The following SNPH variants were observed in gnomAD, a reference collection of about 807,000 sequenced individuals.
SNPH encodes the protein syntaphilin.
Under a neutral mutation model 36.8 loss-of-function variants are expected in SNPH, and 10 were observed. The observed-to-expected ratio is 0.27, with a 90% CI of 0.17 to 0.46. The LOEUF (loss-of-function observed/expected upper bound fraction) is 0.46, where lower values mean the gene tolerates loss of function less well. SNPH is among the 20% of genes least tolerant of loss of function. The probability of loss-of-function intolerance (pLI) is 1.00; values close to 1 mark genes in which losing one functional copy is unlikely to be tolerated. For synonymous variants in SNPH, 281 were observed against 312.2 expected, an observed-to-expected ratio of 0.90 and a Z score of 1.05; for missense variants, 622 against 744.0, an observed-to-expected ratio of 0.84 and a Z score of 1.91.
chr20:1,270,869 G>A (rs1321420981), intron 2 of SNPH, among the ~76,000 whole-genome samples: 1 of 152,138 alleles, frequency 6.6e-6, no homozygotes, highest in African/African-American at 2.4e-5. Flanking sequence ...TGGCCTAACG[G>A]GGATTGCATT....
rs1306085405 is a variant in SNPH, at chr20:1,294,131, AC to A, written c.-492-818del. Among the ~76,000 whole-genome samples the A allele has an allele frequency of 2.0e-5, 3 of 152,170 alleles. No individual in the cohort carries two copies. Among genetic ancestry groups the A allele is most frequent in the African/African-American group, 7.2e-5 (3 of 41,444 alleles). ...GAAAGTTGTTGGTGAAGCCAGGCCG[AC>A]CTGGGCCAGAAGCCAGAGCATGTCA... On this transcript the variant is annotated intron_variant, in intron 2 of 6. Coordinates refer to ENST00000381867, the MANE Select transcript of SNPH (RefSeq NM_001318234.2). The surrounding 1 kb of genome is among the most constrained non-coding windows in gnomAD (Gnocchi z 4.4).
intron 2 of SNPH, among the ~76,000 whole-genome samples, chr20:1,281,971 T>TGGAG (rs2088230403): frequency 6.6e-6 from 1 of 151,802 alleles, no homozygotes; most frequent in Admixed American, 6.6e-5. Context: ...GGGTGGAGGG[T>TGGAG]GGAGGGTGGG....
intron 2 of SNPH, among the ~76,000 whole-genome samples, chr20:1,282,715 C>A (rs200198218): frequency 0.18 from 27,338 of 151,988 alleles, 3,055 homozygotes; most frequent in East Asian, 0.5. Context: ...TGTCTCTGGG[C>A]CTTGGTTTAT....
At chr20:1,281,746 C>T (rs1433381349) in intron 2 of SNPH, among the ~76,000 whole-genome samples, 10 of 152,250 alleles carry the variant, frequency 6.6e-5, no homozygotes, top group African/African-American at 1.4e-4. Flanking sequence ...CTCAGTGACA[C>T]GTGCTTCGAT....
At chr20:1,293,311 G>A (rs2122374996) in intron 2 of SNPH, among the ~76,000 whole-genome samples, 1 of 152,350 alleles carries the variant, frequency 6.6e-6, no homozygotes, top group Non-Finnish European at 1.5e-5. Flanking sequence ...CTATGGTGTG[G>A]ACAAGATGGG....
chr20:1,305,378 G>A lies in SNPH; in HGVS notation c.941G>A (p.Cys314Tyr). Residue 314 changes from cysteine (C) to tyrosine (Y), a missense_variant, in exon 7 of 7, where the codon TGT (cysteine) becomes TAT (tyrosine). Around this residue, in one of 3 missense-constraint regions of SNPH, gnomAD observed 379 missense variants for 427.9 expected, o/e 0.89. Coordinates refer to ENST00000381867, the MANE Select transcript of SNPH (RefSeq NM_001318234.2). ...AGCCTGCTGTCGTCGGGGGTGGACT[G>A]TGGCACCGAGGAGACCTCGCTGCAC... ...ASSLLSSGVD[C>Y]GTEETSLHSS... The A allele has an allele frequency of 1.2e-6, 2 of 1,612,762 alleles. No homozygotes were observed. Among genetic ancestry groups the A allele is most frequent in the East Asian group, 2.2e-5 (1 of 44,884 alleles).
chr20:1,283,174 C>T (rs1217638606), intron 2 of SNPH, among the ~76,000 whole-genome samples: 1 of 152,226 alleles, frequency 6.6e-6, no homozygotes, highest in East Asian at 1.9e-4. Context: ...GCCCAAGTAG[C>T]CCATTCTTCT....
intron 2 of SNPH, among the ~76,000 whole-genome samples, chr20:1,286,564 G>A (rs2088286676): frequency 6.6e-6 from 1 of 152,212 alleles, no homozygotes; most frequent in Non-Finnish European, 1.5e-5. Context: ...GCTTCCAACA[G>A]GAGCGGCATG....
Position 1,296,081 on chromosome 20 carries a change from G to C in SNPH, c.-159G>C. Reference sequence around the variant, plus strand: ...ACATTCACTCATCTGGAGAACACAGGGTTGGACTGATTACTTTTAGCCACT... The same window carrying C: ...ACATTCACTCATCTGGAGAACACAGCGTTGGACTGATTACTTTTAGCCACT... On this transcript the variant is annotated 5_prime_UTR_variant, in exon 4 of 7. Coordinates refer to ENST00000381867, the MANE Select transcript of SNPH (RefSeq NM_001318234.2). 1 of 590,570 alleles carries C rather than the reference G, an allele frequency of 1.7e-6. No individual in the cohort carries two copies. Among genetic ancestry groups the C allele is most frequent in the Non-Finnish European group, 2.9e-6 (1 of 350,180 alleles). 36.6% of individuals were successfully genotyped at this position (590,570 alleles called of 1,614,324 possible). A position where few individuals can be genotyped will look rare whatever the true frequency, so the allele number is the denominator to read the frequency against.
intron 2 of SNPH, among the ~76,000 whole-genome samples, chr20:1,275,148 C>T (rs531931303): frequency 1.6e-4 from 25 of 152,318 alleles, no homozygotes; most frequent in African/African-American, 5.1e-4. Flanking sequence ...GGGAGCCACT[C>T]GCTTCCTCAG....
At position 1,304,832 on chromosome 20, in the gene SNPH, CCAGG is replaced by C. The variant is rs746226956; in HGVS notation, c.441-34_441-31del. 15 of 1,567,434 alleles carry C rather than the reference CCAGG, an allele frequency of 9.6e-6. No individual in the cohort carries two copies. The highest frequency in any genetic ancestry group is 1.3e-5 in the Non-Finnish European group (15 of 1,147,578). On this transcript the variant is annotated intron_variant, in intron 6 of 6. Coordinates refer to ENST00000381867, the MANE Select transcript of SNPH (RefSeq NM_001318234.2). The surrounding 1 kb of genome is among the most constrained non-coding windows in gnomAD (Gnocchi z 4.3). ...CCTGCCTCTCCTTGGCGGTGACAGA[CCAGG>C]CAGGCAGGCAGTGAGCGTGTGTGTG...
chr20:1,304,332 A>G lies in SNPH; in HGVS notation c.441-546A>G, dbSNP rs563936896. Among the ~76,000 whole-genome samples the G allele has an allele frequency of 4.6e-5, 7 of 152,176 alleles. No individual in the cohort carries two copies. The South Asian group carries it at 8.3e-4, about 18-fold the overall frequency. On this transcript the variant is annotated intron_variant, in intron 6 of 6. Transcript: ENST00000381867. This position sits in a 1 kb window ranked among gnomAD's most constrained non-coding sequence, Gnocchi z 4.3. ...GATGTAAAATCATCAGCCTCCCCCA[A>G]CATTGAAAGCTGTCATTTCTCTCCC...
In SNPH at chr20:1,304,812, C is replaced by T. The variant is rs923933905; in HGVS notation, c.441-66C>T. ...CTTGGCAACAGTGTCCTCTCCCTGC[C>T]TCTCCTTGGCGGTGACAGACCAGGC... On this transcript the variant is annotated intron_variant, in intron 6 of 6. Transcript: ENST00000381867. The surrounding 1 kb of genome is among the most constrained non-coding windows in gnomAD (Gnocchi z 4.3). The T allele has an allele frequency of 3.3e-6, 5 of 1,497,350 alleles. No homozygotes were observed. The highest frequency in any genetic ancestry group is 1.4e-5 in the African/African-American group (1 of 72,880). 92.8% of individuals were successfully genotyped at this position (1,497,350 alleles called of 1,614,324 possible).
Position 1,305,445 on chromosome 20 carries a change from C to T in SNPH, c.1008C>T (p.Thr336=). ...GCCCCCGCTTCCCTGCCAGCAACAC[C>T]TATGAGAAGCTGCTGTGTGGCATGG... is the stretch of plus-strand genomic sequence containing the variant. The part of the protein sequence containing the change: ...GLGPRFPASN[T]YEKLLCGMEA... The change falls in exon 7 of 7, where the codon ACC becomes ACT. Residue 336 remains threonine (T), a synonymous_variant. Coordinates refer to ENST00000381867, the MANE Select transcript of SNPH (RefSeq NM_001318234.2). 1 of 1,613,248 alleles carries T rather than the reference C, an allele frequency of 6.2e-7. No individual in the cohort carries two copies. Among genetic ancestry groups the T allele is most frequent in the Non-Finnish European group, 8.5e-7 (1 of 1,180,042 alleles).
intron 2 of SNPH, among the ~76,000 whole-genome samples, chr20:1,283,247 C>T (rs7261561): frequency 0.066 from 10,059 of 152,278 alleles, 1,009 homozygotes; most frequent in African/African-American, 0.22. Context: ...CCTCCTTGTA[C>T]ATCCCAGTGC....
At chr20:1,298,431 A>G (rs2088465575) in intron 5 of SNPH, among the ~76,000 whole-genome samples, 1 of 152,212 alleles carries the variant, frequency 6.6e-6, no homozygotes. Flanking sequence ...TTAGATTTCT[A>G]TCGTGACACA....
chr20:1,305,170 G>T lies in SNPH; in HGVS notation c.733G>T (p.Ala245Ser). 1.9e-6 allele frequency: 3 copies of T among 1,612,898 alleles called. No individual in the cohort carries two copies. Among genetic ancestry groups the T allele is most frequent in the South Asian group, 2.2e-5 (2 of 91,036 alleles). Reference protein sequence around the residue: ...MAKEDGTGESAGGSPARSLTR... With the variant: ...MAKEDGTGESSGGSPARSLTR... ...CAAGGAGGATGGCACTGGGGAGTCAGCCGGTGGGTCCCCTGCCCGCTCCCT... is the reference window on the plus strand; with the variant it reads ...CAAGGAGGATGGCACTGGGGAGTCATCCGGTGGGTCCCCTGCCCGCTCCCT... Residue 245 changes from alanine (A) to serine (S), a missense_variant, in exon 7 of 7, where the codon GCC (alanine) becomes TCC (serine). Ala to Ser is a moderately conservative substitution (Grantham distance 99). Transcript: ENST00000381867.
At chr20:1,292,120 GT>G (rs1294646099) in intron 2 of SNPH, among the ~76,000 whole-genome samples, 1 of 152,192 alleles carries the variant, frequency 6.6e-6, no homozygotes, top group Admixed American at 6.5e-5. Context: ...GATTGTGTTT[GT>G]TTTTATGAAG....
intron 2 of SNPH, among the ~76,000 whole-genome samples, chr20:1,278,530 C>A (rs1423097626): frequency 1.3e-5 from 2 of 152,202 alleles, no homozygotes; most frequent in South Asian, 2.1e-4. Context: ...CATCCTCAGG[C>A]AATTACTGAT....
Sources: allele counts gnomAD v4.1 joint callset (sites outside exome capture counted in the v4.1 genomes callset), GRCh38; gene constraint gnomAD v4.1.1; regional missense constraint gnomAD v4.1.1; non-coding constraint Gnocchi (gnomAD v3.1); transcripts MANE v1.5; gene names NCBI Gene and HGNC (gene_info 2026-07-23, HGNC 2026-07-21).